EBF1: variants seen among roughly 807,000 people sequenced by gnomAD.
EBF1 encodes the protein EBF transcription factor 1, also known as transcription factor COE1.
In EBF1, 10 loss-of-function variants were observed where a neutral mutation model predicts 68.4. The ratio of observed to expected loss-of-function variants is 0.15; its 90% CI spans 0.09 to 0.25. The LOEUF (loss-of-function observed/expected upper bound fraction) is 0.25, where lower values mean the gene tolerates loss of function less well. EBF1 is among the 10% of genes least tolerant of loss of function. The probability of loss-of-function intolerance (pLI) is 1.00; values close to 1 mark genes in which losing one functional copy is unlikely to be tolerated. For missense variants in EBF1, 509 were observed against 794.4 expected (o/e 0.64, Z 4.32); for synonymous variants, 298 against 299.8 (o/e 0.99, Z 0.06).
intron 10 of EBF1, among the ~76,000 whole-genome samples, chr5:158,774,984 T>TAAA (rs397815862): frequency 6.3e-4 from 88 of 139,524 alleles, no homozygotes; most frequent in East Asian, 4.4e-3. Context: ...CTAGAATATT[T>TAAA]AAAAAAAAAA....
intron 4 of EBF1, among the ~76,000 whole-genome samples, chr5:159,093,009 T>A (rs1009472694): frequency 1.3e-5 from 2 of 152,236 alleles, no homozygotes; most frequent in Admixed American, 6.5e-5. Flanking sequence ...TAAATCAGAC[T>A]TGGTATTTAA....
At chr5:158,910,415 G>A (rs1304164076) in intron 6 of EBF1, among the ~76,000 whole-genome samples, 2 of 152,212 alleles carry the variant, frequency 1.3e-5, no homozygotes, top group African/African-American at 4.8e-5. Context: ...ACCAGCATAT[G>A]GATATGCTGA....
intron 8 of EBF1, among the ~76,000 whole-genome samples, chr5:158,802,752 T>C (rs1355108423): frequency 6.6e-6 from 1 of 152,178 alleles, no homozygotes; most frequent in African/African-American, 2.4e-5. Context: ...GTAGTTTCCA[T>C]AAGGGCACTC....
At chr5:159,030,728 G>A (rs1188165870) in intron 6 of EBF1, among the ~76,000 whole-genome samples, 2 of 152,212 alleles carry the variant, frequency 1.3e-5, no homozygotes, top group African/African-American at 4.8e-5. Flanking sequence ...GGAATATAAG[G>A]CTGAAAAGGT....
intron 6 of EBF1, among the ~76,000 whole-genome samples, chr5:159,013,344 A>T (rs887668418): frequency 6.6e-5 from 10 of 152,194 alleles, no homozygotes; most frequent in African/African-American, 2.4e-4. Flanking sequence ...GCATGAATCA[A>T]ATAGTCTCCT....
chr5:159,050,879 T>C lies in EBF1; in HGVS notation c.554+22517A>G, dbSNP rs1298461001. Reference sequence around the variant, plus strand: ...TCCCCATTCTGGCAAAAAGAAAACCTCAGGTCTGACTTTAGAGCCTTTGAC... The same window carrying C: ...TCCCCATTCTGGCAAAAAGAAAACCCCAGGTCTGACTTTAGAGCCTTTGAC... On this transcript the variant is annotated intron_variant, in intron 6 of 15. Transcript: ENST00000313708. Among the ~76,000 whole-genome samples, 4 of 152,294 alleles carry C rather than the reference T, an allele frequency of 2.6e-5. No individual in the cohort carries two copies. In the East Asian group the frequency reaches 7.7e-4, roughly 29 times the overall value.
chr5:158,825,190 AAAG>A (rs1254004961), intron 7 of EBF1, among the ~76,000 whole-genome samples: 6 of 152,244 alleles, frequency 3.9e-5, no homozygotes, highest in Admixed American at 2.6e-4. Context: ...AATTTAAAAG[AAAG>A]AAGAAGAGAA....
chr5:158,814,596 C>T (rs1783358053), intron 8 of EBF1, among the ~76,000 whole-genome samples: 1 of 152,132 alleles, frequency 6.6e-6, no homozygotes, highest in African/African-American at 2.4e-5. Context: ...ATCGGTTTCC[C>T]ATGTTATTTC....
intron 6 of EBF1, among the ~76,000 whole-genome samples, chr5:158,894,069 C>T (rs1311898864): frequency 1.3e-5 from 2 of 151,962 alleles, no homozygotes; most frequent in East Asian, 3.9e-4. Flanking sequence ...GCAGTTCTGG[C>T]CCAAATACTA....
At chr5:158,768,199 G>A (rs552312923) in intron 10 of EBF1, among the ~76,000 whole-genome samples, 2 of 152,028 alleles carry the variant, frequency 1.3e-5, no homozygotes, top group African/African-American at 2.4e-5. Flanking sequence ...TGTGCTGTGG[G>A]TTTTTCAGAA....
intron 6 of EBF1, among the ~76,000 whole-genome samples, chr5:158,866,943 AC>A (rs1796037981): frequency 6.7e-6 from 1 of 148,560 alleles, no homozygotes; most frequent in African/African-American, 2.5e-5. Flanking sequence ...TACCACACAA[AC>A]TAACAAAGCA....
intron 7 of EBF1, among the ~76,000 whole-genome samples, chr5:158,837,814 C>T (rs951465045): frequency 7.2e-5 from 11 of 152,270 alleles, no homozygotes; most frequent in African/African-American, 2.4e-4. Flanking sequence ...CTAAGAGGTA[C>T]AGCAGAGTTA....
intron 8 of EBF1, among the ~76,000 whole-genome samples, chr5:158,819,129 C>T (rs1784330939): frequency 6.6e-6 from 1 of 152,090 alleles, no homozygotes; most frequent in Non-Finnish European, 1.5e-5. Flanking sequence ...AAAACACATG[C>T]ACACCAAAAT....
chr5:158,736,951 A>G (rs1027749775), intron 10 of EBF1, among the ~76,000 whole-genome samples: 5 of 152,230 alleles, frequency 3.3e-5, no homozygotes, highest in African/African-American at 1.2e-4. Context: ...TGGATATTTC[A>G]TTACCTGCCT....
chr5:158,716,987 C>T (rs1760868246), intron 11 of EBF1, among the ~76,000 whole-genome samples: 2 of 152,144 alleles, frequency 1.3e-5, no homozygotes, highest in Admixed American at 1.3e-4. Context: ...CTTCATTTAC[C>T]TTGAAATGTA....
chr5:158,844,692 C>A (rs1791077711), intron 6 of EBF1, among the ~76,000 whole-genome samples: 1 of 152,342 alleles, frequency 6.6e-6, no homozygotes, highest in South Asian at 2.1e-4. Flanking sequence ...TCAAGCCAAT[C>A]CTGTAAGAGC....
intron 6 of EBF1, among the ~76,000 whole-genome samples, chr5:159,059,497 A>T (rs188190598): frequency 6.6e-6 from 1 of 152,362 alleles, no homozygotes; most frequent in Admixed American, 6.5e-5. Flanking sequence ...GAGAATTCTC[A>T]GGAAGAACAC....
intron 2 of EBF1, among the ~76,000 whole-genome samples, 186 bp downstream of exon 2, chr5:159,096,788 T>C (rs1181233779): frequency 6.6e-6 from 1 of 152,192 alleles, no homozygotes; most frequent in Non-Finnish European, 1.5e-5. Flanking sequence ...GTGCGAACTT[T>C]TCTGGAGAAG....
At chr5:158,769,295 A>G (rs549321503) in intron 10 of EBF1, among the ~76,000 whole-genome samples, 1 of 152,050 alleles carries the variant, frequency 6.6e-6, no homozygotes, top group Non-Finnish European at 1.5e-5. Context: ...TCTGTGATTT[A>G]TCTCTCTCCC....
Sources: allele counts gnomAD v4.1 joint callset (sites outside exome capture counted in the v4.1 genomes callset), GRCh38; gene constraint gnomAD v4.1.1; transcripts MANE v1.5; gene names NCBI Gene and HGNC (gene_info 2026-07-23, HGNC 2026-07-21).